DNAJC10: variants seen among roughly 807,000 people sequenced by gnomAD.
The protein encoded by DNAJC10 is endoplasmic reticulum disulfide reductase DNAJC10.
DNAJC10 carries 101 observed loss-of-function variants against 115.0 expected under a neutral mutation model. That is an observed-to-expected ratio of 0.88 (90% CI 0.75 to 1.04). The LOEUF (loss-of-function observed/expected upper bound fraction) is 1.04. Among genes scored for constraint, DNAJC10 ranks in the 50% least tolerant of loss-of-function variants. DNAJC10 has a pLI of 0.00. For missense variants in DNAJC10, 981 were observed against 928.8 expected (o/e 1.06, Z -0.73); for synonymous variants, 307 against 301.5 (o/e 1.02, Z -0.19).
intron 1 of DNAJC10, among the ~76,000 whole-genome samples, 167 bp from the exon 2 acceptor site, chr2:182,716,849 C>G (rs180769945): frequency 2.6e-5 from 4 of 152,326 alleles, no homozygotes; most frequent in South Asian, 2.1e-4. Flanking sequence ...TCCACCTGCC[C>G]GGTAGCTCGG....
chr2:182,758,958 A>G (rs911991207), intron 20 of DNAJC10, 68 bp downstream of exon 20: 13 of 1,266,024 alleles, frequency 1.0e-5, no homozygotes, highest in African/African-American at 4.5e-5. Flanking sequence ...TTTTATATCA[A>G]TAGTTAAATT....
At chr2:182,720,270 T>C in intron 4 of DNAJC10, 101 bp downstream of exon 4, 1 of 943,988 alleles carries the variant, frequency 1.1e-6, no homozygotes, top group South Asian at 1.5e-5. Context: ...ATGCGTCACT[T>C]TGATTAGCTC....
chr2:182,751,895 C>A, intron 15 of DNAJC10, 110 bp downstream of exon 15: 1 of 1,381,998 alleles, frequency 7.2e-7, no homozygotes, highest in Non-Finnish European at 9.9e-7. Context: ...CTGTGTCATT[C>A]CATTATGGCC....
chr2:182,722,831 T>G (rs1031499621), intron 5 of DNAJC10, among the ~76,000 whole-genome samples: 1 of 151,976 alleles, frequency 6.6e-6, no homozygotes, highest in Admixed American at 6.6e-5. Flanking sequence ...TCCCAGCTAC[T>G]TGGGAGGCTG....
intron 23 of DNAJC10, among the ~76,000 whole-genome samples, chr2:182,776,485 A>C (rs1241093378): frequency 6.6e-6 from 1 of 152,236 alleles, no homozygotes; most frequent in Non-Finnish European, 1.5e-5. Context: ...TAATACAATC[A>C]CATGAGGTAT....
Position 182,756,340 on chromosome 2 carries a change from C to T in DNAJC10, c.1680C>T (p.Ser560=). Reference sequence around the variant, plus strand: ...ATCTTATGAATCCTTCAGTGGTCTCCCTTACACCCACCACCTTCAACGAAC... The same window carrying T: ...ATCTTATGAATCCTTCAGTGGTCTCTCTTACACCCACCACCTTCAACGAAC... The part of the protein sequence containing the change: ...IEDLMNPSVV[S]LTPTTFNELV... The change falls in exon 18 of 24, where the codon TCC becomes TCT. Residue 560 remains serine, a synonymous_variant. Transcript: ENST00000264065. 2 of 1,613,752 alleles carry T rather than the reference C, an allele frequency of 1.2e-6. No homozygotes were observed. Among genetic ancestry groups the T allele is most frequent in the African/African-American group, 1.3e-5 (1 of 74,990 alleles).
At position 182,775,392 on chromosome 2, in the gene DNAJC10, C is replaced by G. The variant is rs746031405; in HGVS notation, c.2342C>G (p.Thr781Ser). The G allele has an allele frequency of 4.3e-6, 7 of 1,612,622 alleles. No homozygotes were observed. The highest frequency in any genetic ancestry group is 5.9e-6 in the Non-Finnish European group (7 of 1,179,200). Residue 781 changes from threonine (T) to serine (S), a missense_variant, in exon 23 of 24, where the codon ACT (threonine) becomes AGT (serine). By Grantham distance (58) the Thr-to-Ser change is moderately conservative. Coordinates refer to ENST00000264065, the MANE Select transcript of DNAJC10 (RefSeq NM_018981.4). ...GCCTTAATAAGTGAAAAATTGGAAA[C>G]TCTCCGAAATCAAGGCAAGAGGAAT... is the stretch of plus-strand genomic sequence containing the variant. ...IAALISEKLE[T>S]LRNQGKRNKD... is the part of the protein sequence containing the mutation.
chr2:182,751,389 C>A (rs2105667405), intron 14 of DNAJC10, among the ~76,000 whole-genome samples: 1 of 152,060 alleles, frequency 6.6e-6, no homozygotes, highest in South Asian at 2.1e-4. Flanking sequence ...CCACCTCGGC[C>A]TCTCAAAGTG....
chr2:182,719,075 AT>A (rs899463001), intron 3 of DNAJC10, among the ~76,000 whole-genome samples: 25 of 150,458 alleles, frequency 1.7e-4, no homozygotes, highest in Middle Eastern at 6.9e-3. Context: ...TAAGGTTTTT[AT>A]TTTTTTTTAA....
rs1476956254 is a variant in DNAJC10 at position 182,790,410 on chromosome 2, C to T, written c.*13278C>T. On this transcript the variant is annotated 3_prime_UTR_variant, in exon 24 of 24. Transcript: ENST00000264065. ...CTTGGTCTTACAGAACTGAACAATACTTAAATGTGTTTAAACCTGCTATAT... is the reference window on the plus strand; with the variant it reads ...CTTGGTCTTACAGAACTGAACAATATTTAAATGTGTTTAAACCTGCTATAT... 6.6e-6 allele frequency: 1 copy of T among 152,140 alleles called. No homozygotes were observed. The highest frequency in any genetic ancestry group is 1.5e-5 in the Non-Finnish European group (1 of 68,012). 9.4% of individuals were successfully genotyped at this position (152,140 alleles called of 1,614,324 possible).
chr2:182,775,448 G>A, intron 23 of DNAJC10, 28 bp downstream of exon 23: 1 of 1,417,582 alleles, frequency 7.1e-7, no homozygotes, highest in Non-Finnish European at 9.9e-7. Flanking sequence ...AGTTGACTTT[G>A]GCAAAAGTTG....
intron 11 of DNAJC10, among the ~76,000 whole-genome samples, chr2:182,737,058 T>G (rs1693603051): frequency 6.6e-6 from 1 of 152,222 alleles, no homozygotes; most frequent in African/African-American, 2.4e-5. Flanking sequence ...CCTAATTGTT[T>G]ATTTTCTAAT....
chr2:182,744,042 A>G (rs147289255), intron 14 of DNAJC10, among the ~76,000 whole-genome samples: 1 of 152,236 alleles, frequency 6.6e-6, no homozygotes, highest in Non-Finnish European at 1.5e-5. Context: ...CATCTCAGCC[A>G]TTATAGGCAA....
Position 182,752,061 on chromosome 2 carries a change from T to C in DNAJC10, c.1435-11T>C. 6.3e-7 allele frequency: 1 copy of C among 1,594,646 alleles called. No individual in the cohort carries two copies. The highest frequency in any genetic ancestry group is 8.6e-7 in the Non-Finnish European group (1 of 1,166,190). On this transcript the variant is annotated splice_polypyrimidine_tract_variant and intron_variant, in intron 15 of 23. Transcript: ENST00000264065. ...TTGGCTCGGTGCTTATGAATATTTTTTCTTTCCTAGTGGTGTCCACCATGT... is the reference window on the plus strand; with the variant it reads ...TTGGCTCGGTGCTTATGAATATTTTCTCTTTCCTAGTGGTGTCCACCATGT...
At position 182,752,087 on chromosome 2, in the gene DNAJC10, C is replaced by T. The variant is rs1240267785; in HGVS notation, c.1450C>T (p.Arg484Ter). The change falls in exon 16 of 24, where the codon CGA becomes TGA. Residue 484 changes from arginine (R) to a stop codon, truncating the protein, a stop_gained. Transcript: ENST00000264065. LOFTEE classifies it high-confidence loss of function. Reference protein sequence around the residue: ...DFFAPWCPPCRALLPELRRAS... With the variant: ...DFFAPWCPPC ...TCTTTCCTAGTGGTGTCCACCATGT[C>T]GAGCTTTACTACCAGAGTTACGAAG... is the stretch of plus-strand genomic sequence containing the variant. 6.8e-6 allele frequency: 11 copies of T among 1,612,834 alleles called. No homozygotes were observed. The highest frequency in any genetic ancestry group is 3.3e-5 in the Admixed American group (2 of 59,912).
intron 3 of DNAJC10, among the ~76,000 whole-genome samples, chr2:182,719,075 A>T (rs923930007): frequency 1.3e-4 from 19 of 150,348 alleles, no homozygotes; most frequent in Non-Finnish European, 2.7e-4. Context: ...TAAGGTTTTT[A>T]TTTTTTTTTA....
chr2:182,742,932 C>T (rs968825383), intron 13 of DNAJC10, among the ~76,000 whole-genome samples: 3 of 151,706 alleles, frequency 2.0e-5, no homozygotes, highest in East Asian at 1.9e-4. Flanking sequence ...CTGCAACCTC[C>T]GCCTCCTGGA....
rs1695085835 is a variant in DNAJC10, at chr2:182,793,325, CTT to C, written c.*16196_*16197del. 1 of 152,136 alleles carries C rather than the reference CTT, an allele frequency of 6.6e-6. No individual in the cohort carries two copies. The highest frequency in any genetic ancestry group is 1.5e-5 in the Non-Finnish European group (1 of 68,038). The allele number at this position is 152,136 out of a possible 1,614,324, so 9.4% of individuals were successfully genotyped here. On this transcript the variant is annotated 3_prime_UTR_variant, in exon 24 of 24. Transcript: ENST00000264065. ...ACTTGTAAGGACTTTAGCTTTCTAA[CTT>C]TTGTAAGGACTTCAACTTCTACTCA...
chr2:182,739,536 T>C, intron 11 of DNAJC10: 1 of 1,218,640 alleles, frequency 8.2e-7, no homozygotes, highest in Non-Finnish European at 1.1e-6. Context: ...GCATTCTTTA[T>C]AATAACAGCT....
Sources: gnomAD v4.1 joint callset for allele counts (sites outside exome capture counted in the v4.1 genomes callset) on GRCh38, gnomAD v4.1.1 for gene constraint, MANE v1.5 for transcripts, NCBI Gene and HGNC (gene_info 2026-07-23, HGNC 2026-07-21) for gene names.